FGD5: variants seen among roughly 807,000 people sequenced by gnomAD.
FGD5 encodes the protein FYVE, RhoGEF and PH domain containing 5, also known as FYVE, RhoGEF and PH domain-containing protein 5.
A neutral mutation model predicts 133.4 loss-of-function variants in FGD5; 28 were observed. That is an observed-to-expected ratio of 0.21 (90% CI 0.16 to 0.29). The LOEUF (loss-of-function observed/expected upper bound fraction) is 0.29. FGD5 is among the 10% of genes least tolerant of loss of function. The pLI is 1.00. For synonymous variants in FGD5, 810 were observed against 776.5 expected, an observed-to-expected ratio of 1.04 and a Z score of -0.72; for missense variants, 1,858 against 1,895.2, an observed-to-expected ratio of 0.98 and a Z score of 0.36.
At chr3:14,880,040 A>G (rs1210880960) in intron 2 of FGD5, among the ~76,000 whole-genome samples, 3 of 152,180 alleles carry the variant, frequency 2.0e-5, no homozygotes, top group African/African-American at 7.2e-5. Flanking sequence ...CTTCAGAGTT[A>G]GGTGCTGTTA....
chr3:14,904,769 C>A (rs2038307609), intron 9 of FGD5, among the ~76,000 whole-genome samples: 2 of 152,150 alleles, frequency 1.3e-5, no homozygotes. Flanking sequence ...TTTGCATATA[C>A]CCATATCTGT....
At chr3:14,901,186 T>C in intron 9 of FGD5, 125 bp downstream of exon 9, 1 of 1,027,132 alleles carries the variant, frequency 9.7e-7, no homozygotes, top group Non-Finnish European at 1.5e-6. Context: ...TGTGGGACTC[T>C]GCAGAGAGCC....
rs2036450108 is a variant in FGD5 at position 14,819,972 on chromosome 3, A to G, written c.901A>G (p.Lys301Glu). The G allele has an allele frequency of 6.2e-7, 1 of 1,613,756 alleles. No homozygotes were observed. Among genetic ancestry groups the G allele is most frequent in the Non-Finnish European group, 8.5e-7 (1 of 1,179,840 alleles). The change falls in exon 1 of 20, where the codon AAG becomes GAG. Residue 301 changes from lysine to glutamate, a missense_variant. Coordinates refer to ENST00000285046, the MANE Select transcript of FGD5 (RefSeq NM_152536.4). The surrounding 1 kb of genome is among the most constrained non-coding windows in gnomAD (Gnocchi z 4.1). ...VDLSEPPDHE[K>E]KTNQEVAAAT... ...CCTCAGTGAACCACCTGACCACGAG[A>G]AGAAAACCAACCAAGAAGTGGCAGC...
intron 2 of FGD5, among the ~76,000 whole-genome samples, chr3:14,875,441 G>T (rs912770040): frequency 1.3e-5 from 2 of 152,174 alleles, no homozygotes; most frequent in African/African-American, 4.8e-5. Flanking sequence ...ACAGGAAACT[G>T]TGTGAACCAA....
At chr3:14,849,120 C>T (rs1300118004) in intron 1 of FGD5, among the ~76,000 whole-genome samples, 2 of 152,330 alleles carry the variant, frequency 1.3e-5, no homozygotes, top group Middle Eastern at 3.4e-3. Context: ...TGAGGCCCTT[C>T]CGTTCTGGGC....
chr3:14,840,573 A>T (rs947926513), intron 1 of FGD5, among the ~76,000 whole-genome samples: 1 of 152,098 alleles, frequency 6.6e-6, no homozygotes, highest in African/African-American at 2.4e-5. Flanking sequence ...CAGCACAGGC[A>T]GATCCACTCC....
chr3:14,864,214 C>CGGA lies in FGD5; in HGVS notation c.2622_2624dup (p.Glu874dup), dbSNP rs549156584. On this transcript the variant is annotated inframe_insertion, in exon 2 of 20. Transcript: ENST00000285046. ...ACGTCGGATGAAGAGCAGAGAAGCTCGGAGGAGGAGGACAGTGCTTCAAGA... is the reference window on the plus strand; with the variant it reads ...ACGTCGGATGAAGAGCAGAGAAGCTCGGAGGAGGAGGAGGACAGTGCTTCAAGA... The CGGA allele has an allele frequency of 3.1e-6, 5 of 1,613,984 alleles. No homozygotes were observed. Among genetic ancestry groups the CGGA allele is most frequent in the Non-Finnish European group, 4.2e-6 (5 of 1,179,886 alleles).
chr3:14,832,371 T>C (rs1045908449), intron 1 of FGD5, among the ~76,000 whole-genome samples: 8 of 152,310 alleles, frequency 5.3e-5, no homozygotes, highest in African/African-American at 1.7e-4. Flanking sequence ...AGATGCTGTT[T>C]TTTTGTCTGT....
chr3:14,858,355 G>GTGGGTGGAGGGA (rs57012067), intron 1 of FGD5, among the ~76,000 whole-genome samples: 1 of 130,888 alleles, frequency 7.6e-6, no homozygotes. Context: ...GGGTGGGTGG[G>GTGGGTGGAGGGA]TGGATGGATG....
rs1193517571 is a variant in FGD5, at chr3:14,821,399, C to T, written c.2328C>T (p.Asn776=). The change falls in exon 1 of 20, where the codon AAC becomes AAT. Residue 776 remains asparagine, a synonymous_variant. Transcript: ENST00000285046. ...FPSADTSDYE[N]IPAMNSDYEN... is the part of the protein sequence containing the mutation. ...GCGCTGACACTTCAGACTATGAGAACATTCCAGCCATGAACTCGGACTATG... is the reference window on the plus strand; with the variant it reads ...GCGCTGACACTTCAGACTATGAGAATATTCCAGCCATGAACTCGGACTATG... The T allele has an allele frequency of 6.2e-7, 1 of 1,614,026 alleles. No homozygotes were observed. The highest frequency in any genetic ancestry group is 1.7e-5 in the Admixed American group (1 of 60,030).
At chr3:14,933,021 C>A in intron 19 of FGD5, 110 bp from the exon 20 acceptor site, 1 of 1,278,844 alleles carries the variant, frequency 7.8e-7, no homozygotes, top group Non-Finnish European at 1.1e-6. Context: ...ACGACATGGT[C>A]CTTGACTTCA....
At chr3:14,924,907 T>C (rs1042731602) in intron 17 of FGD5, among the ~76,000 whole-genome samples, 1 of 151,898 alleles carries the variant, frequency 6.6e-6, no homozygotes, top group Non-Finnish European at 1.5e-5. Flanking sequence ...CCAGACCATC[T>C]TGGCTAACAC....
intron 1 of FGD5, among the ~76,000 whole-genome samples, chr3:14,841,373 G>C (rs1212517084): frequency 6.6e-6 from 1 of 152,168 alleles, no homozygotes; most frequent in Admixed American, 6.5e-5. Context: ...AGCCACCTCT[G>C]TTCAGATGAG....
chr3:14,819,438 C>T lies in FGD5; in HGVS notation c.367C>T (p.Pro123Ser). Residue 123 changes from proline to serine, a missense_variant, in exon 1 of 20, where the codon CCT becomes TCT. Around this residue, in one of 3 missense-constraint regions of FGD5, gnomAD observed 1,824 missense variants for 1,848.9 expected, o/e 0.99. Coordinates refer to ENST00000285046, the MANE Select transcript of FGD5 (RefSeq NM_152536.4). This position sits in a 1 kb window ranked among gnomAD's most constrained non-coding sequence, Gnocchi z 4.1. ...AGGAGCTGGTGAGGATTCAGTGGCC[C>T]CTGCTGCTCCGGGTGCAGGAGCGCT... ...GTGAGEDSVA[P>S]AAPGAGALSR... 1 of 1,550,074 alleles carries T rather than the reference C, an allele frequency of 6.5e-7. No individual in the cohort carries two copies. Among genetic ancestry groups the T allele is most frequent in the Non-Finnish European group, 8.7e-7 (1 of 1,146,130 alleles).
intron 4 of FGD5, among the ~76,000 whole-genome samples, chr3:14,886,981 A>G (rs1018432749): frequency 6.6e-6 from 1 of 152,182 alleles, no homozygotes; most frequent in Non-Finnish European, 1.5e-5. Flanking sequence ...AGAATGTTCC[A>G]TGTGTATTTG....
chr3:14,814,559 G>T (rs1165066475), upstream of FGD5, among the ~76,000 whole-genome samples: 1 of 152,108 alleles, frequency 6.6e-6, no homozygotes, highest in Non-Finnish European at 1.5e-5. Context: ...ATCTCTGCTG[G>T]CTGGGGCCCC....
intron 1 of FGD5, among the ~76,000 whole-genome samples, chr3:14,822,216 T>A (rs963691869): frequency 6.6e-6 from 1 of 152,206 alleles, no homozygotes; most frequent in African/African-American, 2.4e-5. Flanking sequence ...TTGTTTACAT[T>A]ATTTGGGAGA....
rs1359162266 is a variant in FGD5 at position 14,887,990 on chromosome 3, A to AC, written c.2748+7222dup. On this transcript the variant is annotated intron_variant, in intron 4 of 19. Transcript: ENST00000285046. ...AGACCAGCCTGGGAAACATAGTGAG[A>AC]CCCCATCACTACAAAAAAAAAAATT... is the stretch of plus-strand genomic sequence containing the variant. 6.4e-5 allele frequency among the ~76,000 whole-genome samples: 9 copies of AC among 141,116 alleles called. No individual in the cohort carries two copies. In the East Asian group the frequency reaches 1.8e-3, roughly 29 times the overall value. 92.6% of individuals were successfully genotyped at this position (141,116 alleles called of 152,430 possible).
intron 1 of FGD5, among the ~76,000 whole-genome samples, chr3:14,850,754 G>A (rs923971368): frequency 6.7e-6 from 1 of 148,980 alleles, no homozygotes; most frequent in African/African-American, 2.4e-5. Context: ...AAGGCTTCTT[G>A]GAAGAGGTGG....
Sources: allele counts gnomAD v4.1 joint callset (sites outside exome capture counted in the v4.1 genomes callset), GRCh38; gene constraint gnomAD v4.1.1; regional missense constraint gnomAD v4.1.1; non-coding constraint Gnocchi (gnomAD v3.1); transcripts MANE v1.5; gene names NCBI Gene and HGNC (gene_info 2026-07-23, HGNC 2026-07-21).